Variants in FHIP1A observed in about 807,000 individuals in gnomAD.
The protein encoded by FHIP1A is FHF complex subunit HOOK-interacting protein 1A.
FHIP1A carries 61 observed loss-of-function variants against 88.6 expected under a neutral mutation model. That is an observed-to-expected ratio of 0.69 (90% CI 0.56 to 0.85). The LOEUF (loss-of-function observed/expected upper bound fraction) is 0.85. FHIP1A is among the 40% of genes least tolerant of loss of function. FHIP1A has a pLI of 0.00. For missense variants in FHIP1A, 1,154 were observed against 1,273.5 expected (o/e 0.91, Z 1.43); for synonymous variants, 478 against 496.0 (o/e 0.96, Z 0.48).
chr4:151,483,553 T>C (rs949003733), intron 3 of FHIP1A, among the ~76,000 whole-genome samples: 3 of 152,154 alleles, frequency 2.0e-5, no homozygotes, highest in Non-Finnish European at 4.4e-5. Context: ...TGCAACTTAT[T>C]GTGTAGACAC....
intron 7 of FHIP1A, among the ~76,000 whole-genome samples, chr4:151,592,582 C>G (rs193049787): frequency 2.0e-4 from 30 of 152,226 alleles, no homozygotes; most frequent in Non-Finnish European, 2.1e-4. Flanking sequence ...TGAGAAATGT[C>G]TGTTCATAAT....
At chr4:151,440,929 A>G (rs1033524384) in intron 1 of FHIP1A, among the ~76,000 whole-genome samples, 1 of 151,974 alleles carries the variant, frequency 6.6e-6, no homozygotes, top group South Asian at 2.1e-4. Flanking sequence ...CCTCCTCCTT[A>G]GTGTCGCCGA....
intron 5 of FHIP1A, among the ~76,000 whole-genome samples, chr4:151,584,405 A>C (rs1183438882): frequency 6.6e-6 from 1 of 152,204 alleles, no homozygotes; most frequent in Non-Finnish European, 1.5e-5. Flanking sequence ...GGGGAAAAGG[A>C]AGGCAACAAT....
chr4:151,456,286 A>C (rs1452136329), intron 2 of FHIP1A, among the ~76,000 whole-genome samples: 1 of 152,230 alleles, frequency 6.6e-6, no homozygotes, highest in African/African-American at 2.4e-5. Context: ...AATGAAAACA[A>C]ATGGGCTTTT....
chr4:151,438,580 G>A (rs1728293567), intron 1 of FHIP1A, among the ~76,000 whole-genome samples: 4 of 145,812 alleles, frequency 2.7e-5, no homozygotes, highest in Admixed American at 2.7e-4. Context: ...TATTAGATTG[G>A]TGCAAAAGTA....
chr4:151,516,657 T>A (rs2126686641), intron 3 of FHIP1A, among the ~76,000 whole-genome samples: 1 of 152,250 alleles, frequency 6.6e-6, no homozygotes, highest in South Asian at 2.1e-4. Flanking sequence ...GAACAGACAC[T>A]TACCAAAAGA....
intron 1 of FHIP1A, among the ~76,000 whole-genome samples, chr4:151,432,794 G>A (rs1035555615): frequency 6.6e-6 from 1 of 152,150 alleles, no homozygotes; most frequent in Non-Finnish European, 1.5e-5. Flanking sequence ...GAAGCAGTCA[G>A]AAGTCTAGGC....
At position 151,577,879 on chromosome 4, in the gene FHIP1A, A is replaced by G. The variant is rs972559005; in HGVS notation, c.535A>G (p.Ile179Val). The G allele has an allele frequency of 1.9e-6, 3 of 1,551,792 alleles. No individual in the cohort carries two copies. Among genetic ancestry groups the G allele is most frequent in the Admixed American group, 2.0e-5 (1 of 50,980 alleles). Residue 179 changes from isoleucine (I) to valine (V), a missense_variant, in exon 5 of 14, where the codon ATT becomes GTT. By Grantham distance (29) the Ile-to-Val change is conservative. Coordinates refer to ENST00000435205, the MANE Select transcript of FHIP1A (RefSeq NM_001109977.3). ...LCSILAKDPSILELFFHTSED... is the reference protein window; with the variant it reads ...LCSILAKDPSVLELFFHTSED... ...TTCCATTCTTGCCAAAGATCCATCCATTTTAGAACTCTTCTTCCACACTAG... is the reference window on the plus strand; with the variant it reads ...TTCCATTCTTGCCAAAGATCCATCCGTTTTAGAACTCTTCTTCCACACTAG...
chr4:151,593,850 A>C (rs1292438600), intron 7 of FHIP1A, among the ~76,000 whole-genome samples: 1 of 152,180 alleles, frequency 6.6e-6, no homozygotes, highest in African/African-American at 2.4e-5. Context: ...GTTTTCAAAG[A>C]GAATGCTTCC....
At chr4:151,486,920 A>G (rs1443306598) in intron 3 of FHIP1A, among the ~76,000 whole-genome samples, 1 of 151,640 alleles carries the variant, frequency 6.6e-6, no homozygotes, top group African/African-American at 2.4e-5. Context: ...GTGAGCCGAG[A>G]CTGCGCCACT....
intron 3 of FHIP1A, among the ~76,000 whole-genome samples, chr4:151,515,021 A>C (rs1430141978): frequency 3.9e-5 from 6 of 152,050 alleles, no homozygotes; most frequent in Admixed American, 3.9e-4. Context: ...TTTTAGACCA[A>C]TATCCTTGAT....
At chr4:151,541,484 A>G (rs1168176674) in intron 3 of FHIP1A, among the ~76,000 whole-genome samples, 1 of 152,186 alleles carries the variant, frequency 6.6e-6, no homozygotes, top group Non-Finnish European at 1.5e-5. Context: ...TCAACATCCA[A>G]TAATATTCAT....
At chr4:151,606,276 C>A (rs1735071275) in intron 7 of FHIP1A, among the ~76,000 whole-genome samples, 1 of 152,160 alleles carries the variant, frequency 6.6e-6, no homozygotes, top group African/African-American at 2.4e-5. Context: ...TTCAGCAGGT[C>A]TCTGCTCTTT....
chr4:151,441,859 T>G (rs1188430419), intron 1 of FHIP1A, among the ~76,000 whole-genome samples: 1 of 152,194 alleles, frequency 6.6e-6, no homozygotes, highest in Admixed American at 6.5e-5. Flanking sequence ...TTTATGTGGC[T>G]TTCTAATTTT....
chr4:151,513,516 T>G (rs569608705), intron 3 of FHIP1A, among the ~76,000 whole-genome samples: 202 of 152,196 alleles, frequency 1.3e-3, no homozygotes, highest in African/African-American at 4.6e-3. Flanking sequence ...GCAAATTGGA[T>G]AAAGAGTCAA....
At chr4:151,514,161 A>T (rs1471151224) in intron 3 of FHIP1A, among the ~76,000 whole-genome samples, 2 of 152,182 alleles carry the variant, frequency 1.3e-5, no homozygotes, top group East Asian at 3.9e-4. Context: ...ACTCAAAACC[A>T]ATCAACTACA....
intron 3 of FHIP1A, among the ~76,000 whole-genome samples, chr4:151,557,075 G>A (rs764482352): frequency 1.3e-5 from 2 of 152,078 alleles, no homozygotes; most frequent in Non-Finnish European, 2.9e-5. Context: ...CACTCTAATA[G>A]TATTGGGTCA....
At chr4:151,587,590 A>G (rs761409621) in intron 6 of FHIP1A, among the ~76,000 whole-genome samples, 1 of 151,542 alleles carries the variant, frequency 6.6e-6, no homozygotes, top group Non-Finnish European at 1.5e-5. Context: ...ATATGTATAC[A>G]TGTGTCATTT....
chr4:151,515,710 G>A (rs906557751), intron 3 of FHIP1A, among the ~76,000 whole-genome samples: 3 of 151,912 alleles, frequency 2.0e-5, no homozygotes, highest in African/African-American at 7.3e-5. Flanking sequence ...TTGCTTCAAA[G>A]AGAATAAAAT....
Sources: gnomAD v4.1 joint callset for allele counts (sites outside exome capture counted in the v4.1 genomes callset) on GRCh38, gnomAD v4.1.1 for gene constraint, MANE v1.5 for transcripts, NCBI Gene and HGNC (gene_info 2026-07-23, HGNC 2026-07-21) for gene names.